The following NCAM2 variants were observed in gnomAD, a reference collection of about 807,000 sequenced individuals.
NCAM2 encodes the protein neural cell adhesion molecule 2.
A neutral mutation model predicts 98.1 loss-of-function variants in NCAM2; 30 were observed. The ratio of observed to expected loss-of-function variants is 0.31; its 90% CI spans 0.23 to 0.41. The LOEUF is 0.41. Among genes scored for constraint, NCAM2 ranks in the 10% least tolerant of loss-of-function variants. The probability of loss-of-function intolerance (pLI) is 1.00; values close to 1 mark genes in which losing one functional copy is unlikely to be tolerated. For synonymous variants in NCAM2, 368 were observed against 342.4 expected (o/e 1.07, Z -0.83); for missense variants, 867 against 1,005.8 (o/e 0.86, Z 1.87).
chr21:21,003,764 A>G (rs1001599307), intron 1 of NCAM2, among the ~76,000 whole-genome samples: 2 of 152,144 alleles, frequency 1.3e-5, no homozygotes, highest in Non-Finnish European at 2.9e-5. Context: ...CTCATTCATC[A>G]TTTATTCATT....
Position 21,344,920 on chromosome 21 carries a change from G to A in NCAM2, c.1044+6386G>A, listed in dbSNP as rs575426885. Among the ~76,000 whole-genome samples, 15 of 152,194 alleles carry A rather than the reference G, an allele frequency of 9.9e-5. 1 individual carries two copies. In the South Asian group the frequency reaches 1.5e-3, roughly 15 times the overall value. ...TGTCACTCTTCTCCCAGCTTTATGCGGTCAGAAAATAGAGTGAGACTGTGT... is the reference window on the plus strand; with the variant it reads ...TGTCACTCTTCTCCCAGCTTTATGCAGTCAGAAAATAGAGTGAGACTGTGT... On this transcript the variant is annotated intron_variant, in intron 8 of 17. Coordinates refer to ENST00000400546, the MANE Select transcript of NCAM2 (RefSeq NM_004540.5).
In NCAM2 at chr21:21,136,468, T is replaced by C. The variant is rs1469341140; in HGVS notation, c.55+137850T>C. On this transcript the variant is annotated intron_variant, in intron 1 of 17. Coordinates refer to ENST00000400546, the MANE Select transcript of NCAM2 (RefSeq NM_004540.5). ...TGTACTCTACTCAATTTATCTCTTT[T>C]TTTTTTTTTTGGAGACGGAGTCTCA... Among the ~76,000 whole-genome samples the C allele has an allele frequency of 8.5e-4, 44 of 51,702 alleles. No homozygotes were observed. In the South Asian group the frequency reaches 0.018, roughly 21 times the overall value. The allele number at this position is 51,702 out of a possible 152,430, so 33.9% of individuals were successfully genotyped here.
intron 9 of NCAM2, among the ~76,000 whole-genome samples, chr21:21,400,022 A>T (rs2076595404): frequency 6.6e-6 from 1 of 152,204 alleles, no homozygotes; most frequent in South Asian, 2.1e-4. Flanking sequence ...AAAAAGAGGC[A>T]GGGAGGGGGC....
At chr21:21,332,445 T>G (rs559877275) in intron 6 of NCAM2, among the ~76,000 whole-genome samples, 1 of 152,242 alleles carries the variant, frequency 6.6e-6, no homozygotes, top group Non-Finnish European at 1.5e-5. Flanking sequence ...GTCCTGTGTT[T>G]TAGGATATCT....
intron 5 of NCAM2, among the ~76,000 whole-genome samples, chr21:21,303,430 T>A (rs1601918099): frequency 6.6e-6 from 1 of 152,066 alleles, no homozygotes; most frequent in East Asian, 1.9e-4. Context: ...TGAGATTCAT[T>A]TATGTTATCC....
chr21:21,407,967 G>A (rs2145902535), intron 9 of NCAM2, among the ~76,000 whole-genome samples: 1 of 152,188 alleles, frequency 6.6e-6, no homozygotes, highest in Middle Eastern at 3.4e-3. Context: ...CAATTTAGTT[G>A]AACTGTTGAA....
chr21:21,326,720 T>G (rs1420851573), intron 6 of NCAM2, among the ~76,000 whole-genome samples: 1 of 152,166 alleles, frequency 6.6e-6, no homozygotes, highest in Non-Finnish European at 1.5e-5. Flanking sequence ...ATTAGTTTCA[T>G]CCTTTGGATA....
intron 1 of NCAM2, among the ~76,000 whole-genome samples, chr21:21,143,113 T>G (rs925287484): frequency 6.6e-5 from 10 of 152,204 alleles, no homozygotes; most frequent in African/African-American, 2.4e-4. Context: ...CAAGTTACTG[T>G]TCATCGGGAT....
intron 9 of NCAM2, among the ~76,000 whole-genome samples, chr21:21,389,260 T>G (rs1482841787): frequency 6.6e-6 from 1 of 152,036 alleles, no homozygotes; most frequent in African/African-American, 2.4e-5. Context: ...GCACGGGAAT[T>G]CCCTTTAAAA....
rs952820309 is a variant in NCAM2 at position 21,097,130 on chromosome 21, CAA to C, written c.55+98514_55+98515del. 1.1e-4 allele frequency among the ~76,000 whole-genome samples: 16 copies of C among 151,736 alleles called. No homozygotes were observed. The East Asian group carries it at 1.9e-3, about 18-fold the overall frequency. ...ATCACGTGGGTTTTTCACTGGGAAA[CAA>C]AGAGGTAAGGCAACCACAGGCTTTC... On this transcript the variant is annotated intron_variant, in intron 1 of 17. Transcript: ENST00000400546.
intron 1 of NCAM2, among the ~76,000 whole-genome samples, chr21:21,082,653 T>C (rs1285844859): frequency 6.6e-6 from 1 of 152,232 alleles, no homozygotes; most frequent in Non-Finnish European, 1.5e-5. Context: ...GAGGGTACTT[T>C]GGAGGTAACC....
Position 21,331,336 on chromosome 21 carries a change from G to A in NCAM2, c.738-4169G>A, listed in dbSNP as rs904690347. Among the ~76,000 whole-genome samples the A allele has an allele frequency of 5.3e-5, 8 of 150,082 alleles. No homozygotes were observed. In the South Asian group the frequency reaches 1.3e-3, roughly 24 times the overall value. On this transcript the variant is annotated intron_variant, in intron 6 of 17. Transcript: ENST00000400546. ...ATTACTATTTAGAGAAGTGGTTTCA[G>A]TGTGTTGCCAGGGTTGAACTTCAAA...
At chr21:21,511,297 G>A (rs1317105243) in intron 16 of NCAM2, among the ~76,000 whole-genome samples, 1 of 151,778 alleles carries the variant, frequency 6.6e-6, no homozygotes, top group East Asian at 1.9e-4. Context: ...ACCTTTGCTA[G>A]CCTCTGCTAA....
chr21:21,528,628 T>A (rs1464981008), intron 16 of NCAM2, among the ~76,000 whole-genome samples: 2 of 152,188 alleles, frequency 1.3e-5, no homozygotes, highest in Non-Finnish European at 2.9e-5. Flanking sequence ...GTTAATAGTT[T>A]GTAACAGTGA....
intron 7 of NCAM2, among the ~76,000 whole-genome samples, chr21:21,336,608 G>A (rs1163511085): frequency 6.6e-6 from 1 of 152,076 alleles, no homozygotes; most frequent in Non-Finnish European, 1.5e-5. Context: ...GGTGCAGAGT[G>A]CCCCTTACAC....
chr21:21,514,840 A>G (rs1988619926), intron 16 of NCAM2, among the ~76,000 whole-genome samples: 1 of 152,132 alleles, frequency 6.6e-6, no homozygotes, highest in Admixed American at 6.6e-5. Flanking sequence ...TTCTTATTCT[A>G]TTCCACTTTT....
At chr21:21,223,366 A>G (rs62209186) in intron 1 of NCAM2, 2 of 152,108 alleles carry the variant, frequency 1.3e-5, no homozygotes, top group African/African-American at 2.4e-5. Flanking sequence ...ACCATTATAC[A>G]TGGTCAATAC....
chr21:21,281,635 A>G (rs1045467426), intron 2 of NCAM2, among the ~76,000 whole-genome samples: 1 of 152,048 alleles, frequency 6.6e-6, no homozygotes, highest in Non-Finnish European at 1.5e-5. Context: ...GGTACAATAT[A>G]TTCATTTTTA....
At chr21:21,070,563 G>A (rs2065541308) in intron 1 of NCAM2, among the ~76,000 whole-genome samples, 1 of 152,024 alleles carries the variant, frequency 6.6e-6, no homozygotes, top group Admixed American at 6.6e-5. Flanking sequence ...TTTAAAGTGA[G>A]TAGTTGGAGG....
Sources: allele counts gnomAD v4.1 joint callset (sites outside exome capture counted in the v4.1 genomes callset), GRCh38; gene constraint gnomAD v4.1.1; transcripts MANE v1.5; gene names NCBI Gene and HGNC (gene_info 2026-07-23, HGNC 2026-07-21).